The following ADAM10 variants were observed in gnomAD, a reference collection of about 807,000 sequenced individuals.
ADAM10 encodes ADAM metallopeptidase domain 10.
In ADAM10, 17 loss-of-function variants were observed where a neutral mutation model predicts 90.1. The observed-to-expected ratio is 0.19, with a 90% CI of 0.13 to 0.28. The LOEUF is 0.28. ADAM10 is among the 10% of genes least tolerant of loss of function. ADAM10 has a pLI of 1.00. For synonymous variants in ADAM10, 310 were observed against 298.6 expected (o/e 1.04, Z -0.40); for missense variants, 610 against 914.3 (o/e 0.67, Z 4.29).
At chr15:58,710,176 G>C (rs1377630480) in intron 2 of ADAM10, among the ~76,000 whole-genome samples, 4 of 152,186 alleles carry the variant, frequency 2.6e-5, no homozygotes, top group African/African-American at 7.2e-5. Context: ...CTACTCGGGA[G>C]GCTGAGGCTG....
intron 1 of ADAM10, among the ~76,000 whole-genome samples, chr15:58,733,849 T>A (rs1316762341): frequency 1.3e-5 from 2 of 151,536 alleles, no homozygotes; most frequent in East Asian, 3.8e-4. Context: ...ATAACAAGTG[T>A]AGGCATGTTC....
At chr15:58,660,680 T>C (rs1368051859) in intron 5 of ADAM10, among the ~76,000 whole-genome samples, 1 of 152,206 alleles carries the variant, frequency 6.6e-6, no homozygotes, top group Non-Finnish European at 1.5e-5. Context: ...TTTCTCTTCT[T>C]CCTAACTTCT....
intron 8 of ADAM10, 29 bp downstream of exon 8, chr15:58,640,748 G>A (rs1369870799): frequency 1.9e-6 from 3 of 1,603,790 alleles, no homozygotes; most frequent in South Asian, 1.1e-5. Flanking sequence ...CAAGTAGTAA[G>A]TTAAGACATA....
At chr15:58,674,508 A>C (rs1390416616) in intron 4 of ADAM10, among the ~76,000 whole-genome samples, 4 of 152,194 alleles carry the variant, frequency 2.6e-5, no homozygotes, top group Non-Finnish European at 5.9e-5. Flanking sequence ...ATGCTTTCTA[A>C]AACAGTTTTC....
intron 5 of ADAM10, among the ~76,000 whole-genome samples, chr15:58,654,912 T>C (rs748232203): frequency 1.3e-4 from 20 of 152,244 alleles, no homozygotes; most frequent in Admixed American, 1.3e-3. Flanking sequence ...CAACCAAACA[T>C]ATGGTCTATT....
In ADAM10 at chr15:58,593,953, A is replaced by G. The variant is rs1465243859; in HGVS notation, c.*3594T>C. The stretch of plus-strand genomic sequence containing the variant: ...ATAGTGAAAAAACTAAACTGGTAAT[A>G]AACGGAAAAGTATATCAAATGGAAG... On this transcript the variant is annotated 3_prime_UTR_variant, in exon 16 of 16. Coordinates refer to ENST00000260408, the MANE Select transcript of ADAM10 (RefSeq NM_001110.4). 6.6e-6 allele frequency: 1 copy of G among 152,220 alleles called. No homozygotes were observed. Among genetic ancestry groups the G allele is most frequent in the African/African-American group, 2.4e-5 (1 of 41,460 alleles). 9.4% of individuals were successfully genotyped at this position (152,220 alleles called of 1,614,324 possible). A position where few individuals can be genotyped will look rare whatever the true frequency, so the allele number is the denominator to read the frequency against.
rs150980747 is a variant in ADAM10, at chr15:58,743,340, T to C, written c.55+6140A>G. Among the ~76,000 whole-genome samples the C allele has an allele frequency of 5.8e-4, 88 of 152,226 alleles. 1 individual carries two copies. The highest frequency in any genetic ancestry group is 2.1e-3 in the African/African-American group (87 of 41,554). ...CAATGACTGCCCTTGCCCACAACCT[T>C]CTCCACACAAACTACATTTCTGGTA... On this transcript the variant is annotated intron_variant, in intron 1 of 15. Coordinates refer to ENST00000260408, the MANE Select transcript of ADAM10 (RefSeq NM_001110.4).
intron 1 of ADAM10, among the ~76,000 whole-genome samples, chr15:58,721,317 T>A (rs1430227334): frequency 3.3e-5 from 5 of 152,174 alleles, no homozygotes; most frequent in African/African-American, 9.7e-5. Flanking sequence ...CTAAAAACAC[T>A]TCCCCGGGAC....
chr15:58,708,223 T>C lies in ADAM10; in HGVS notation c.206+9354A>G, dbSNP rs568715967. On this transcript the variant is annotated intron_variant, in intron 2 of 15. Coordinates refer to ENST00000260408, the MANE Select transcript of ADAM10 (RefSeq NM_001110.4). The stretch of plus-strand genomic sequence containing the variant: ...TTACTAATTTAACAAACTGATGAAG[T>C]GGACTTGACCAAGAGCACACAAAAT... 2.7e-4 allele frequency among the ~76,000 whole-genome samples: 41 copies of C among 152,300 alleles called. 2 individuals are homozygous for C. The South Asian group carries it at 8.3e-3, about 31-fold the overall frequency.
At chr15:58,673,615 G>T (rs1341452267) in intron 4 of ADAM10, among the ~76,000 whole-genome samples, 1 of 151,800 alleles carries the variant, frequency 6.6e-6, no homozygotes, top group African/African-American at 2.4e-5. Context: ...ATTTTCAACT[G>T]TTATCCTATT....
At chr15:58,690,555 G>A (rs571227517) in intron 2 of ADAM10, among the ~76,000 whole-genome samples, 2 of 152,142 alleles carry the variant, frequency 1.3e-5, no homozygotes, top group African/African-American at 4.8e-5. Context: ...ATCCAATTCT[G>A]CTGTCAAAGT....
rs775018743 is a variant in ADAM10, at chr15:58,597,416, G to A, written c.*131C>T. 12 of 1,559,190 alleles carry A rather than the reference G, an allele frequency of 7.7e-6. No individual in the cohort carries two copies. The African/African-American group carries it at 1.4e-4, about 18-fold the overall frequency. On this transcript the variant is annotated 3_prime_UTR_variant, in exon 16 of 16. Coordinates refer to ENST00000260408, the MANE Select transcript of ADAM10 (RefSeq NM_001110.4). ...GTAATTCCACCTGGTCTGAGGATAT[G>A]ATCTCTTGCCATTTTTTCTTCAACT...
intron 1 of ADAM10, among the ~76,000 whole-genome samples, chr15:58,725,910 A>C (rs556782503): frequency 9.8e-5 from 15 of 152,344 alleles, no homozygotes; most frequent in African/African-American, 3.6e-4. Flanking sequence ...AGTAGCCTCC[A>C]TTAATAGAAA....
chr15:58,629,980 C>T (rs1896057480), intron 9 of ADAM10, among the ~76,000 whole-genome samples: 1 of 152,006 alleles, frequency 6.6e-6, no homozygotes, highest in Admixed American at 6.6e-5. Flanking sequence ...CGCCATGTTG[C>T]CCAGGCTGGT....
intron 2 of ADAM10, among the ~76,000 whole-genome samples, chr15:58,697,430 G>C (rs1898010814): frequency 1.3e-5 from 2 of 151,986 alleles, no homozygotes; most frequent in South Asian, 4.1e-4. Flanking sequence ...CACATTACTA[G>C]TGGGCCTGAG....
intron 11 of ADAM10, among the ~76,000 whole-genome samples, chr15:58,616,304 C>T (rs1458341482): frequency 6.6e-6 from 1 of 152,202 alleles, no homozygotes; most frequent in Non-Finnish European, 1.5e-5. Context: ...CAGAACATTT[C>T]ATCCAACAGC....
intron 1 of ADAM10, chr15:58,747,873 C>A (rs1349661548): frequency 1.3e-5 from 2 of 152,256 alleles, no homozygotes; most frequent in East Asian, 3.9e-4. Flanking sequence ...TAGTATACTA[C>A]TACTCAGTAA....
rs1894925627 is a variant in ADAM10 at position 58,595,447 on chromosome 15, C to T, written c.*2100G>A. On this transcript the variant is annotated 3_prime_UTR_variant, in exon 16 of 16. Transcript: ENST00000260408. ...TTTCAAGTTTCAAAAAACCTTACAT[C>T]TTTGCACAATACTTTATTTTTTGCA... is the stretch of plus-strand genomic sequence containing the variant. 6.6e-6 allele frequency: 1 copy of T among 152,132 alleles called. No individual in the cohort carries two copies. The highest frequency in any genetic ancestry group is 1.5e-5 in the Non-Finnish European group (1 of 68,002). 9.4% of individuals were successfully genotyped at this position (152,132 alleles called of 1,614,324 possible).
chr15:58,727,176 CTTTTTTTTT>C (rs779017607), intron 1 of ADAM10, among the ~76,000 whole-genome samples: 10 of 78,008 alleles, frequency 1.3e-4, no homozygotes, highest in Non-Finnish European at 1.9e-4. Flanking sequence ...CCTGACTAAT[CTTTTTTTTT>C]TTTTTTTTTT....
Sources: allele counts gnomAD v4.1 joint callset (sites outside exome capture counted in the v4.1 genomes callset), GRCh38; gene constraint gnomAD v4.1.1; transcripts MANE v1.5; gene names NCBI Gene and HGNC (gene_info 2026-07-23, HGNC 2026-07-21).